The following DLG2 variants were observed in gnomAD, a reference collection of about 807,000 sequenced individuals.
DLG2 encodes the protein disks large homolog 2.
A neutral mutation model predicts 132.5 loss-of-function variants in DLG2; 45 were observed. The ratio of observed to expected loss-of-function variants is 0.34; its 90% CI spans 0.27 to 0.44. The LOEUF is 0.44. DLG2 is among the 20% of genes least tolerant of loss of function. The pLI, the probability that DLG2 is intolerant of heterozygous loss-of-function variation, is 1.00. For missense variants in DLG2, 1,045 were observed against 1,196.9 expected (o/e 0.87, Z 1.87); for synonymous variants, 424 against 419.6 (o/e 1.01, Z -0.13).
At chr11:85,461,252 T>A (rs1257455915) in intron 3 of DLG2, among the ~76,000 whole-genome samples, 2 of 152,200 alleles carry the variant, frequency 1.3e-5, no homozygotes, top group Admixed American at 1.3e-4. Context: ...GTTTCCTTTT[T>A]CAGCCTTAAG....
chr11:85,612,136 T>C (rs1334165077), intron 2 of DLG2, among the ~76,000 whole-genome samples: 1 of 152,234 alleles, frequency 6.6e-6, no homozygotes, highest in Admixed American at 6.5e-5. Context: ...TTAAAACCTA[T>C]AATTGATAAT....
At chr11:83,719,577 A>C (rs2153681274) in intron 18 of DLG2, among the ~76,000 whole-genome samples, 1 of 152,308 alleles carries the variant, frequency 6.6e-6, no homozygotes, top group South Asian at 2.1e-4. Context: ...GTGAGAAAAG[A>C]GGCAAGGTGG....
chr11:83,776,137 A>G (rs1446936917), intron 18 of DLG2, among the ~76,000 whole-genome samples: 1 of 152,126 alleles, frequency 6.6e-6, no homozygotes, highest in East Asian at 1.9e-4. Flanking sequence ...AAAGATGAAT[A>G]AAACATGCTT....
At chr11:84,367,444 A>G (rs1180052747) in intron 7 of DLG2, among the ~76,000 whole-genome samples, 1 of 152,128 alleles carries the variant, frequency 6.6e-6, no homozygotes, top group African/African-American at 2.4e-5. Context: ...GTCAAGTCCC[A>G]TTCAAGCAGG....
At chr11:84,737,606 T>C (rs77012226) in intron 6 of DLG2, among the ~76,000 whole-genome samples, 2,075 of 151,896 alleles carry the variant, frequency 0.014, 43 homozygotes, top group African/African-American at 0.047. Flanking sequence ...TGATATTATA[T>C]TGCATTTCAA....
At chr11:84,873,023 A>T (rs1208074678) in intron 6 of DLG2, among the ~76,000 whole-genome samples, 1 of 152,210 alleles carries the variant, frequency 6.6e-6, no homozygotes, top group East Asian at 1.9e-4. Flanking sequence ...TGGTAGACAG[A>T]ATAATAGCCC....
intron 3 of DLG2, among the ~76,000 whole-genome samples, chr11:85,340,837 A>G (rs962758821): frequency 1.3e-5 from 2 of 152,188 alleles, no homozygotes; most frequent in Non-Finnish European, 2.9e-5. Context: ...ATTTCCCTGT[A>G]TCAAGATGAA....
At chr11:84,789,656 T>C (rs2073496241) in intron 6 of DLG2, among the ~76,000 whole-genome samples, 1 of 152,158 alleles carries the variant, frequency 6.6e-6, no homozygotes, top group Admixed American at 6.5e-5. Context: ...CTTTTATTCA[T>C]TCTTTCTAAC....
At chr11:84,347,937 T>G (rs776289158) in intron 7 of DLG2, among the ~76,000 whole-genome samples, 1 of 152,246 alleles carries the variant, frequency 6.6e-6, no homozygotes, top group Non-Finnish European at 1.5e-5. Context: ...ATCCCCATTC[T>G]GACAATTTGT....
At chr11:84,071,047 A>G (rs1192130780) in intron 10 of DLG2, among the ~76,000 whole-genome samples, 1 of 152,064 alleles carries the variant, frequency 6.6e-6, no homozygotes, top group Admixed American at 6.6e-5. Flanking sequence ...ACATTTTAAC[A>G]TATTTTTATT....
intron 6 of DLG2, among the ~76,000 whole-genome samples, chr11:84,670,025 G>A (rs548474860): frequency 5.3e-4 from 80 of 152,300 alleles, no homozygotes; most frequent in African/African-American, 1.8e-3. Context: ...TTGGACTGGA[G>A]AATAAGGCGA....
At chr11:84,870,954 A>G (rs567338953) in intron 6 of DLG2, among the ~76,000 whole-genome samples, 3 of 152,226 alleles carry the variant, frequency 2.0e-5, no homozygotes, top group African/African-American at 7.2e-5. Context: ...TTCTAGGTTC[A>G]TTATATTTAT....
At chr11:84,947,072 C>A (rs532091137) in intron 6 of DLG2, among the ~76,000 whole-genome samples, 19 of 152,176 alleles carry the variant, frequency 1.2e-4, no homozygotes, top group African/African-American at 3.9e-4. Context: ...ATGTGCCATG[C>A]GGCCAGTCGC....
At chr11:85,581,510 C>T (rs956310724) in intron 3 of DLG2, among the ~76,000 whole-genome samples, 1 of 151,646 alleles carries the variant, frequency 6.6e-6, no homozygotes, top group Non-Finnish European at 1.5e-5. Context: ...CCTAGCTACT[C>T]GGGAGGCTGA....
chr11:84,358,000 T>C lies in DLG2; in HGVS notation c.520-106709A>G, dbSNP rs183859085. ...AAATGAAATAAAAGATTTCTACATA[T>C]ACTTTTATAGTACTATTATAATACT... On this transcript the variant is annotated intron_variant, in intron 7 of 27. Coordinates refer to ENST00000376104, the MANE Select transcript of DLG2 (RefSeq NM_001142699.3). Among the ~76,000 whole-genome samples, 18 of 152,100 alleles carry C rather than the reference T, an allele frequency of 1.2e-4. No homozygotes were observed. The East Asian group carries it at 1.7e-3, about 15-fold the overall frequency.
At chr11:84,289,388 T>C (rs528286961) in intron 7 of DLG2, among the ~76,000 whole-genome samples, 2 of 152,180 alleles carry the variant, frequency 1.3e-5, no homozygotes, top group East Asian at 1.9e-4. Context: ...ATTTTTTTAA[T>C]ACAGAAAAAT....
chr11:83,621,599 G>C (rs1391977319), intron 19 of DLG2, among the ~76,000 whole-genome samples: 2 of 151,990 alleles, frequency 1.3e-5, no homozygotes, highest in Non-Finnish European at 2.9e-5. Flanking sequence ...TGGGAATGTA[G>C]TTTCTCAAGC....
intron 7 of DLG2, among the ~76,000 whole-genome samples, chr11:84,425,930 CA>C (rs1474010201): frequency 6.6e-6 from 1 of 152,070 alleles, no homozygotes; most frequent in Non-Finnish European, 1.5e-5. Context: ...AATTGTTTTC[CA>C]AATGCCATCC....
chr11:83,753,988 A>G (rs2093540780), intron 18 of DLG2, among the ~76,000 whole-genome samples: 1 of 148,240 alleles, frequency 6.7e-6, no homozygotes, highest in Admixed American at 6.7e-5. Flanking sequence ...GAAAAAAGGC[A>G]GTAATACAAC....
Sources: allele counts gnomAD v4.1 joint callset (sites outside exome capture counted in the v4.1 genomes callset), GRCh38; gene constraint gnomAD v4.1.1; transcripts MANE v1.5; gene names NCBI Gene and HGNC (gene_info 2026-07-23, HGNC 2026-07-21).